MOB3A: variants seen among roughly 807,000 people sequenced by gnomAD.
MOB3A encodes the protein MOB LAK.
In MOB3A, 17 loss-of-function variants were observed where a neutral mutation model predicts 17.8. The ratio of observed to expected loss-of-function variants is 0.95; its 90% CI spans 0.65 to 1.43. The LOEUF (loss-of-function observed/expected upper bound fraction) is 1.43, where lower values mean the gene tolerates loss of function less well. MOB3A is among the 40% of genes most tolerant of loss of function. MOB3A has a pLI of 0.00. For synonymous variants in MOB3A, 124 were observed against 133.2 expected (o/e 0.93, Z 0.48); for missense variants, 333 against 310.8 (o/e 1.07, Z -0.54).
At position 2,078,503 on chromosome 19, in the gene MOB3A, G is replaced by C. The variant is rs140289197; in HGVS notation, c.58C>G (p.Arg20Gly). The change falls in exon 3 of 5, where the codon CGC becomes GGC. Residue 20 changes from arginine (R) to glycine (G), a missense_variant. Physicochemically the swap from Arg to Gly is moderately radical, Grantham distance 125. Coordinates refer to ENST00000357066, the MANE Select transcript of MOB3A (RefSeq NM_130807.3). ...FNKDKTFRPKRKFEPGTQRFE... is the reference protein window; with the variant it reads ...FNKDKTFRPKGKFEPGTQRFE... ...CGCTGGGTGCCTGGCTCAAACTTGC[G>C]CTTGGGGCGGAATGTCTTGTCCTTG... 1 of 1,605,698 alleles carries C rather than the reference G, an allele frequency of 6.2e-7. No homozygotes were observed. Among genetic ancestry groups the C allele is most frequent in the East Asian group, 2.2e-5 (1 of 44,666 alleles).
chr19:2,088,452 C>T (rs936986673), intron 1 of MOB3A, among the ~76,000 whole-genome samples: 4 of 152,054 alleles, frequency 2.6e-5, no homozygotes, highest in Non-Finnish European at 5.9e-5. Flanking sequence ...TCCTGGCGTG[C>T]GTCCAGATAA....
At position 2,078,419 on chromosome 19, in the gene MOB3A, C is replaced by T; in HGVS notation, c.142G>A (p.Ala48Thr). The T allele has an allele frequency of 6.2e-7, 1 of 1,613,964 alleles. No individual in the cohort carries two copies. Among genetic ancestry groups the T allele is most frequent in the Non-Finnish European group, 8.5e-7 (1 of 1,179,926 alleles). Residue 48 changes from alanine to threonine, a missense_variant, in exon 3 of 5, where the codon GCC becomes ACC. Coordinates refer to ENST00000357066, the MANE Select transcript of MOB3A (RefSeq NM_130807.3). ...SLNAGLDLRL[A>T]VQLPPGEDLN... ...TCCTCGCCCGGGGGCAACTGCACGG[C>T]CAGCCGCAGGTCCAGCCCGGCGTTC...
chr19:2,073,373 C>T lies in MOB3A; in HGVS notation c.*22G>A. On this transcript the variant is annotated 3_prime_UTR_variant, in exon 5 of 5. Transcript: ENST00000357066. ...TCCGAGGCCCCAGCGGCGGTTCGGG[C>T]ACCGGGAGACCCGCGGGGCTCTCAG... The T allele has an allele frequency of 6.2e-7, 1 of 1,613,138 alleles. No individual in the cohort carries two copies. The highest frequency in any genetic ancestry group is 1.1e-5 in the South Asian group (1 of 91,076).
intron 2 of MOB3A, among the ~76,000 whole-genome samples, chr19:2,083,139 G>C (rs2017510483): frequency 6.6e-6 from 1 of 152,244 alleles, no homozygotes; most frequent in Non-Finnish European, 1.5e-5. Context: ...GAGCCACTGT[G>C]CCTGGCCACC....
intron 4 of MOB3A, among the ~76,000 whole-genome samples, chr19:2,074,212 T>G (rs963532309): frequency 1.4e-4 from 22 of 152,118 alleles, no homozygotes; most frequent in African/African-American, 5.1e-4. Flanking sequence ...GGGAATCACT[T>G]GAACCTGTGA....
intron 4 of MOB3A, among the ~76,000 whole-genome samples, chr19:2,073,982 G>C (rs770944919): frequency 1.5e-4 from 23 of 151,552 alleles, no homozygotes; most frequent in Non-Finnish European, 2.9e-4. Flanking sequence ...CGTGAGCCAA[G>C]ATCGCGCCAC....
At chr19:2,084,779 T>C (rs12172871) in intron 2 of MOB3A, among the ~76,000 whole-genome samples, 91,361 of 151,716 alleles carry the variant, frequency 0.6, 30,343 homozygotes, top group African/African-American at 0.9. Context: ...TTAGTAGAGA[T>C]GGCGTTTCAC....
rs1256770164 is a variant in MOB3A at position 2,071,988 on chromosome 19, G to C, written c.*1407C>G. 6.6e-6 allele frequency: 1 copy of C among 151,972 alleles called. No individual in the cohort carries two copies. The highest frequency in any genetic ancestry group is 2.4e-5 in the African/African-American group (1 of 41,306). 9.4% of individuals were successfully genotyped at this position (151,972 alleles called of 1,614,324 possible). Reference sequence around the variant, plus strand: ...AGGTCAGGAGATCAAGACCATCCTGGCTAACACGGTGAAACCCTGTCTCTA... The same window carrying C: ...AGGTCAGGAGATCAAGACCATCCTGCCTAACACGGTGAAACCCTGTCTCTA... On this transcript the variant is annotated 3_prime_UTR_variant, in exon 5 of 5. Coordinates refer to ENST00000357066, the MANE Select transcript of MOB3A (RefSeq NM_130807.3).
intron 2 of MOB3A, among the ~76,000 whole-genome samples, chr19:2,081,370 C>A (rs961491431): frequency 6.7e-6 from 1 of 149,012 alleles, no homozygotes; most frequent in African/African-American, 2.5e-5. Flanking sequence ...GGTGGATCAC[C>A]TGAGGTCGGG....
Position 2,084,350 on chromosome 19 carries a change from C to T in MOB3A, c.-120+825G>A, listed in dbSNP as rs151196046. 6.9e-3 allele frequency: 2,312 copies of T among 334,432 alleles called. 59 individuals carry two copies. The highest frequency in any genetic ancestry group is 0.045 in the African/African-American group (2,062 of 45,358). The allele number at this position is 334,432 out of a possible 1,614,324, so 20.7% of individuals were successfully genotyped here. On this transcript the variant is annotated intron_variant, in intron 2 of 4. Transcript: ENST00000357066. ...TCCACTAAAAATACAAAAAACTAGCCGGGTGTGGTGGCATGTGCCTATAAT... is the reference window on the plus strand; with the variant it reads ...TCCACTAAAAATACAAAAAACTAGCTGGGTGTGGTGGCATGTGCCTATAAT...
chr19:2,084,144 A>G, intron 2 of MOB3A: 1 of 503,028 alleles, frequency 2.0e-6, no homozygotes, highest in Admixed American at 2.0e-5. Context: ...AGAAAACAAG[A>G]CAGGGCAGCC....
chr19:2,075,490 G>A (rs534778706), intron 4 of MOB3A, among the ~76,000 whole-genome samples: 6 of 152,208 alleles, frequency 3.9e-5, no homozygotes, highest in South Asian at 4.2e-4. Context: ...AAAATCAGCC[G>A]GGCGTGCTGG....
rs775160001 is a variant in MOB3A, at chr19:2,077,788, C to CT, written c.421+351dup. 2.7e-3 allele frequency among the ~76,000 whole-genome samples: 395 copies of CT among 144,360 alleles called. 1 individual carries two copies. The highest frequency in any genetic ancestry group is 0.014 in the Middle Eastern group (4 of 276). 94.7% of individuals were successfully genotyped at this position (144,360 alleles called of 152,430 possible). A position where few individuals can be genotyped will look rare whatever the true frequency, so the allele number is the denominator to read the frequency against. ...TAGGAGAATACTCAGAAATGGAATC[C>CT]TTTTTTTTTTTTTGAGACAGGGTCT... is the stretch of plus-strand genomic sequence containing the variant. On this transcript the variant is annotated intron_variant, in intron 3 of 4. Transcript: ENST00000357066.
intron 1 of MOB3A, among the ~76,000 whole-genome samples, chr19:2,094,691 G>A (rs1454957235): frequency 9.2e-5 from 14 of 152,248 alleles, no homozygotes; most frequent in Admixed American, 8.5e-4. Flanking sequence ...AGGGCGGCCA[G>A]GGCACTCCCC....
Position 2,093,598 on chromosome 19 carries a change from C to T in MOB3A, c.-274+2628G>A, listed in dbSNP as rs111301485. ...CTGACCTCAGGTGATCTGCTCTCCT[C>T]GGCCTCCCAAAGTGCTGGGATTACA... On this transcript the variant is annotated intron_variant, in intron 1 of 4. Coordinates refer to ENST00000357066, the MANE Select transcript of MOB3A (RefSeq NM_130807.3). The surrounding 1 kb of genome is among the most constrained non-coding windows in gnomAD (Gnocchi z 4.6). Among the ~76,000 whole-genome samples the T allele has an allele frequency of 7.7e-4, 117 of 152,268 alleles. 1 individual carries two copies. Among genetic ancestry groups the T allele is most frequent in the African/African-American group, 2.5e-3 (104 of 41,548 alleles).
chr19:2,092,094 T>C (rs1327863887), intron 1 of MOB3A, among the ~76,000 whole-genome samples: 2 of 150,272 alleles, frequency 1.3e-5, no homozygotes, highest in Non-Finnish European at 3.0e-5. Flanking sequence ...TTTTTTTTTT[T>C]TTTTTTTTAG....
At position 2,078,358 on chromosome 19, in the gene MOB3A, A is replaced by T. The variant is rs201527418; in HGVS notation, c.203T>A (p.Phe68Tyr). 6.0e-5 allele frequency: 97 copies of T among 1,614,172 alleles called. 1 individual carries two copies. The Middle Eastern group carries it at 2.8e-3, about 47-fold the overall frequency. ...NDWVAVHVVD[F>Y]FNRVNLIYGT... ...GTAGATGAGGTTGACGCGGTTAAAG[A>T]AGTCCACCACGTGAACAGCCACCCA... Residue 68 changes from phenylalanine (F) to tyrosine (Y), a missense_variant, in exon 3 of 5, where the codon TTC (phenylalanine) becomes TAC (tyrosine). Phe to Tyr is a conservative substitution (Grantham distance 22). Coordinates refer to ENST00000357066, the MANE Select transcript of MOB3A (RefSeq NM_130807.3).
At position 2,085,244 on chromosome 19, in the gene MOB3A, A is replaced by C. The variant is rs999559700; in HGVS notation, c.-189T>G. 6.6e-6 allele frequency: 1 copy of C among 152,104 alleles called. No homozygotes were observed. Among genetic ancestry groups the C allele is most frequent in the Non-Finnish European group, 1.5e-5 (1 of 68,022 alleles). The allele number at this position is 152,104 out of a possible 1,614,324, so 9.4% of individuals were successfully genotyped here. A position where few individuals can be genotyped will look rare whatever the true frequency, so the allele number is the denominator to read the frequency against. ...GGAACAGTGGAGAAGACAAGGCAGG[A>C]ATCAGCTCTCAGAATTCCACACCAA... On this transcript the variant is annotated 5_prime_UTR_variant, in exon 2 of 5. It adds an upstream start codon to the 5' untranslated region. Coordinates refer to ENST00000357066, the MANE Select transcript of MOB3A (RefSeq NM_130807.3).
At chr19:2,096,083 T>G (rs1421649754) in intron 1 of MOB3A, 143 bp downstream of exon 1, 1 of 151,374 alleles carries the variant, frequency 6.6e-6, no homozygotes, top group Non-Finnish European at 1.5e-5. Flanking sequence ...TAGCCTAAGT[T>G]CGCCCGTCTG....
Sources: gnomAD v4.1 joint callset for allele counts (sites outside exome capture counted in the v4.1 genomes callset) on GRCh38, gnomAD v4.1.1 for gene constraint, Gnocchi (gnomAD v3.1) non-coding constraint, MANE v1.5 for transcripts, NCBI Gene and HGNC (gene_info 2026-07-23, HGNC 2026-07-21) for gene names.